The following TUT4 variants were observed in gnomAD, a reference collection of about 807,000 sequenced individuals.
TUT4 encodes the protein terminal uridylyl transferase 4.
TUT4 carries 36 observed loss-of-function variants against 192.2 expected under a neutral mutation model. The ratio of observed to expected loss-of-function variants is 0.19; its 90% CI spans 0.14 to 0.25. The LOEUF (loss-of-function observed/expected upper bound fraction) is 0.25. Ranked by LOEUF, TUT4 falls within the 10% of genes least tolerant of loss-of-function variation. The pLI is 1.00. For synonymous variants in TUT4, 618 were observed against 666.0 expected, an observed-to-expected ratio of 0.93 and a Z score of 1.11; for missense variants, 1,493 against 1,957.2, an observed-to-expected ratio of 0.76 and a Z score of 4.47.
At chr1:52,430,872 C>T (rs1289689820) in intron 28 of TUT4, 141 bp downstream of exon 28, 4 of 904,586 alleles carry the variant, frequency 4.4e-6, no homozygotes, top group African/African-American at 1.7e-5. Context: ...GAGTCCAGAG[C>T]CCATATTCTT....
chr1:52,517,321 C>G (rs762956462), intron 2 of TUT4, among the ~76,000 whole-genome samples: 5 of 152,176 alleles, frequency 3.3e-5, no homozygotes, highest in Admixed American at 6.5e-5. Context: ...AGCTAATGCT[C>G]TGTGTCATGT....
intron 1 of TUT4, among the ~76,000 whole-genome samples, chr1:52,528,692 T>C (rs1384022920): frequency 6.6e-6 from 1 of 152,036 alleles, no homozygotes; most frequent in Non-Finnish European, 1.5e-5. Flanking sequence ...ATTTACTAAA[T>C]TACAAATTTA....
At chr1:52,546,558 G>T (rs1571549188) in intron 1 of TUT4, among the ~76,000 whole-genome samples, 1 of 152,144 alleles carries the variant, frequency 6.6e-6, no homozygotes, top group Admixed American at 6.5e-5. Context: ...TCATTTAATG[G>T]GTATAGAGTT....
In TUT4 at chr1:52,431,144, T is replaced by C. The variant is rs1214709985; in HGVS notation, c.4580A>G (p.Asn1527Ser). Residue 1527 changes from asparagine (N) to serine (S), a missense_variant, in exon 28 of 30, where the codon AAT (asparagine) becomes AGT (serine). By Grantham distance (46) the Asn-to-Ser change is conservative (BLOSUM62 1). Transcript: ENST00000257177. ...CTGTGCAAAGATGATGCTGGGATCA[T>C]TTAGGCCAATATTGCTGGGGGCACT... ...PGSAPSNIGL[N>S]DPSIIFAQPA... is the part of the protein sequence containing the mutation. The C allele has an allele frequency of 1.2e-6, 2 of 1,614,204 alleles. No individual in the cohort carries two copies. Among genetic ancestry groups the C allele is most frequent in the Non-Finnish European group, 1.7e-6 (2 of 1,180,030 alleles).
At chr1:52,481,149 T>C (rs1340910094) in intron 11 of TUT4, among the ~76,000 whole-genome samples, 2 of 152,162 alleles carry the variant, frequency 1.3e-5, no homozygotes, top group Non-Finnish European at 2.9e-5. Context: ...AGAGCCCAAC[T>C]CTTAAAGGAA....
At chr1:52,492,386 T>C (rs879341611) in intron 7 of TUT4, among the ~76,000 whole-genome samples, 1 of 152,232 alleles carries the variant, frequency 6.6e-6, no homozygotes, top group Admixed American at 6.5e-5. Flanking sequence ...GCAAATACTT[T>C]TGATTCATAT....
chr1:52,515,952 C>T lies in TUT4; in HGVS notation c.821G>A (p.Arg274Lys). 1 of 1,613,572 alleles carries T rather than the reference C, an allele frequency of 6.2e-7. No individual in the cohort carries two copies. The highest frequency in any genetic ancestry group is 8.5e-7 in the Non-Finnish European group (1 of 1,179,922). ...IDESALTPEQ[R>K]LGLKQAEERL... ...TTCTTCTGCTTGTTTCAACCCCAGC[C>T]TCTGCTCAGGTGTCAATGCAGATTC... is the stretch of plus-strand genomic sequence containing the variant. Residue 274 changes from arginine (R) to lysine (K), a missense_variant, in exon 3 of 30, where the codon AGG becomes AAG. Transcript: ENST00000257177.
At position 52,431,213 on chromosome 1, in the gene TUT4, G is replaced by A. The variant is rs1374379071; in HGVS notation, c.4511C>T (p.Pro1504Leu). 15 of 1,614,090 alleles carry A rather than the reference G, an allele frequency of 9.3e-6. No individual in the cohort carries two copies. The highest frequency in any genetic ancestry group is 4.0e-5 in the African/African-American group (3 of 74,940). The change falls in exon 28 of 30, where the codon CCG becomes CTG. Residue 1504 changes from proline to leucine, a missense_variant. Coordinates refer to ENST00000257177, the MANE Select transcript of TUT4 (RefSeq NM_001009881.3). Reference protein sequence around the residue: ...LPMHPLQIPAPSWPIHGPVIH... With the variant: ...LPMHPLQIPALSWPIHGPVIH... ...CACTGGGCCATGGATGGGCCAGGAC[G>A]GGGCAGGGATCTGGAGAGGGTGCAT...
chr1:52,542,764 T>A lies in TUT4; in HGVS notation c.-94+10167A>T, dbSNP rs1319050331. Among the ~76,000 whole-genome samples, 5 of 146,690 alleles carry A rather than the reference T, an allele frequency of 3.4e-5. No individual in the cohort carries two copies. The South Asian group carries it at 1.1e-3, about 32-fold the overall frequency. On this transcript the variant is annotated intron_variant, in intron 1 of 29. Coordinates refer to ENST00000257177, the MANE Select transcript of TUT4 (RefSeq NM_001009881.3). ...CACCATTTCTTTTTATTTATTTATT[T>A]ATTTATTTTTTTTTGAGGCAGAGTT... is the stretch of plus-strand genomic sequence containing the variant.
rs1048287817 is a variant in TUT4, at chr1:52,521,427, G to C, written c.718+4136C>G. Among the ~76,000 whole-genome samples the C allele has an allele frequency of 5.3e-5, 8 of 152,260 alleles. No individual in the cohort carries two copies. The South Asian group carries it at 1.7e-3, about 32-fold the overall frequency. ...TGCCTATAATCCCAGCACTTTGGGA[G>C]GCCGAGGCAGGCAGATGGCTTGAGG... On this transcript the variant is annotated intron_variant, in intron 2 of 29. Coordinates refer to ENST00000257177, the MANE Select transcript of TUT4 (RefSeq NM_001009881.3).
chr1:52,467,946 C>T (rs534812876), intron 15 of TUT4, among the ~76,000 whole-genome samples: 4 of 152,146 alleles, frequency 2.6e-5, no homozygotes, highest in Non-Finnish European at 4.4e-5. Context: ...ATCTCCTATA[C>T]TTTTAACAGC....
At position 52,423,900 on chromosome 1, in the gene TUT4, C is replaced by T. The variant is rs764575831; in HGVS notation, c.*35G>A. The T allele has an allele frequency of 6.2e-7, 1 of 1,606,576 alleles. No individual in the cohort carries two copies. Among genetic ancestry groups the T allele is most frequent in the Non-Finnish European group, 8.5e-7 (1 of 1,176,678 alleles). On this transcript the variant is annotated 3_prime_UTR_variant, in exon 30 of 30. Transcript: ENST00000257177. ...ACAGCAGGATTGGCTGGTTGCTGTGCATCGGTAGACCAGCTGAAAGAAAAT... is the reference window on the plus strand; with the variant it reads ...ACAGCAGGATTGGCTGGTTGCTGTGTATCGGTAGACCAGCTGAAAGAAAAT...
chr1:52,533,153 T>C (rs1683952592), intron 1 of TUT4, among the ~76,000 whole-genome samples: 1 of 152,208 alleles, frequency 6.6e-6, no homozygotes, highest in African/African-American at 2.4e-5. Flanking sequence ...GCAGGATCAA[T>C]GTAACTTAGG....
intron 24 of TUT4, among the ~76,000 whole-genome samples, chr1:52,444,853 CT>C (rs369201474): frequency 6.7e-6 from 1 of 150,208 alleles, no homozygotes; most frequent in African/African-American, 2.5e-5. Flanking sequence ...ATTATGGGAC[CT>C]TGTGATCATG....
intron 1 of TUT4, among the ~76,000 whole-genome samples, chr1:52,548,353 T>C (rs1305303951): frequency 6.6e-6 from 1 of 152,186 alleles, no homozygotes; most frequent in Admixed American, 6.5e-5. Flanking sequence ...GCTTAGTCAT[T>C]CTCTATAATT....
intron 1 of TUT4, among the ~76,000 whole-genome samples, chr1:52,551,051 T>C (rs1689300620): frequency 6.6e-6 from 1 of 152,226 alleles, no homozygotes; most frequent in Non-Finnish European, 1.5e-5. Context: ...CAGAGAAATT[T>C]ATAATTATAC....
At chr1:52,530,839 C>T (rs1683182612) in intron 1 of TUT4, among the ~76,000 whole-genome samples, 1 of 152,028 alleles carries the variant, frequency 6.6e-6, no homozygotes, top group African/African-American at 2.4e-5. Flanking sequence ...CCTGTCTCTA[C>T]AGAAAATACA....
rs541160525 is a variant in TUT4, at chr1:52,442,835, C to T, written c.3822+2952G>A. On this transcript the variant is annotated intron_variant, in intron 24 of 29. Transcript: ENST00000257177. ...AAATGATTAGCAGACTCATGGGCCC[C>T]TTCTGCTAGGCCCCAAATGACATTC... Among the ~76,000 whole-genome samples the T allele has an allele frequency of 2.6e-5, 4 of 152,306 alleles. No homozygotes were observed. In the South Asian group the frequency reaches 8.3e-4, roughly 32 times the overall value.
Position 52,489,055 on chromosome 1 carries a change from A to G in TUT4, c.1389-20T>C. The G allele has an allele frequency of 6.2e-7, 1 of 1,602,424 alleles. No homozygotes were observed. The stretch of plus-strand genomic sequence containing the variant: ...AAACCACTGTGAATGAGAAAGAAAC[A>G]AATTTCATTGTATTAATACCCTTAA... On this transcript the variant is annotated intron_variant, in intron 8 of 29. Transcript: ENST00000257177.
Sources: allele counts gnomAD v4.1 joint callset (sites outside exome capture counted in the v4.1 genomes callset), GRCh38; gene constraint gnomAD v4.1.1; transcripts MANE v1.5; gene names NCBI Gene and HGNC (gene_info 2026-07-23, HGNC 2026-07-21).